TMEM132D: variants seen among roughly 807,000 people sequenced by gnomAD.
TMEM132D encodes the protein mature OL transmembrane protein.
TMEM132D carries 21 observed loss-of-function variants against 62.3 expected under a neutral mutation model. The ratio of observed to expected loss-of-function variants is 0.34; its 90% CI spans 0.24 to 0.49. The LOEUF (loss-of-function observed/expected upper bound fraction) is 0.49, where lower values mean the gene tolerates loss of function less well. Ranked by LOEUF, TMEM132D falls within the 20% of genes least tolerant of loss-of-function variation. The probability of loss-of-function intolerance (pLI) is 0.99; values close to 1 mark genes in which losing one functional copy is unlikely to be tolerated. For missense variants in TMEM132D, 1,346 were observed against 1,402.8 expected, an observed-to-expected ratio of 0.96 and a Z score of 0.65; for synonymous variants, 621 against 575.6, an observed-to-expected ratio of 1.08 and a Z score of -1.13.
chr12:129,624,890 G>GAC (rs1185687247), intron 2 of TMEM132D, among the ~76,000 whole-genome samples: 19 of 138,050 alleles, frequency 1.4e-4, no homozygotes, highest in Non-Finnish European at 2.0e-4. Flanking sequence ...GGGCAGAGTG[G>GAC]AGAAGGCATC....
At chr12:129,557,559 T>C (rs957744104) in intron 2 of TMEM132D, among the ~76,000 whole-genome samples, 1 of 145,674 alleles carries the variant, frequency 6.9e-6, no homozygotes, top group African/African-American at 2.5e-5. Context: ...TACAAAAAAA[T>C]CAGAAAATTA....
At chr12:129,426,081 T>C (rs1208079649) in intron 3 of TMEM132D, among the ~76,000 whole-genome samples, 1 of 152,180 alleles carries the variant, frequency 6.6e-6, no homozygotes, top group African/African-American at 2.4e-5. Context: ...TTGTATTAGA[T>C]GGAGATTGTG....
chr12:129,441,910 C>G (rs904538516), intron 3 of TMEM132D, among the ~76,000 whole-genome samples: 1 of 152,194 alleles, frequency 6.6e-6, no homozygotes, highest in Non-Finnish European at 1.5e-5. Flanking sequence ...AATGCATGTT[C>G]TCGCTTATGA....
chr12:129,231,661 G>A (rs1188022614), intron 4 of TMEM132D, among the ~76,000 whole-genome samples: 1 of 152,174 alleles, frequency 6.6e-6, no homozygotes, highest in Non-Finnish European at 1.5e-5. Context: ...TGTGGCTGAT[G>A]AGCTCAGCTG....
chr12:129,193,411 C>T (rs1347187199), intron 5 of TMEM132D, among the ~76,000 whole-genome samples: 2 of 152,110 alleles, frequency 1.3e-5, no homozygotes, highest in Non-Finnish European at 2.9e-5. Flanking sequence ...CACGTTAACC[C>T]TTACAGGCAG....
At chr12:129,114,617 A>G (rs894062725) in intron 5 of TMEM132D, among the ~76,000 whole-genome samples, 7 of 152,162 alleles carry the variant, frequency 4.6e-5, no homozygotes, top group African/African-American at 1.7e-4. Context: ...ATGCAGACCC[A>G]CTTCAACAAC....
chr12:129,363,089 A>G (rs7304215), intron 3 of TMEM132D, among the ~76,000 whole-genome samples: 13,080 of 152,272 alleles, frequency 0.086, 715 homozygotes, highest in African/African-American at 0.15. Flanking sequence ...TAGAGAAAAC[A>G]CATTCGGAAC....
intron 3 of TMEM132D, among the ~76,000 whole-genome samples, chr12:129,403,587 C>G (rs188363194): frequency 4.6e-5 from 7 of 151,982 alleles, no homozygotes; most frequent in South Asian, 2.1e-4. Context: ...AAGCAAGGAC[C>G]CTTCCTGAGC....
At chr12:129,731,686 G>A (rs1220006847) in intron 1 of TMEM132D, among the ~76,000 whole-genome samples, 1 of 150,508 alleles carries the variant, frequency 6.6e-6, no homozygotes, top group Admixed American at 6.6e-5. Flanking sequence ...TTTTTGAGAC[G>A]GAGTCTCGCT....
At chr12:129,800,317 A>C (rs1190245123) in intron 1 of TMEM132D, among the ~76,000 whole-genome samples, 3 of 151,182 alleles carry the variant, frequency 2.0e-5, no homozygotes. Context: ...TAGCTTAAGG[A>C]GGTGCGGGCA....
At chr12:129,524,684 T>A (rs1360112744) in intron 3 of TMEM132D, among the ~76,000 whole-genome samples, 2 of 151,882 alleles carry the variant, frequency 1.3e-5, no homozygotes, top group Non-Finnish European at 2.9e-5. Flanking sequence ...GACGCAGGTT[T>A]TAAATCTTAT....
At chr12:129,385,086 T>TC (rs550969712) in intron 3 of TMEM132D, among the ~76,000 whole-genome samples, 1,617 of 37,168 alleles carry the variant, frequency 0.044, 42 homozygotes, top group African/African-American at 0.092. Flanking sequence ...GTTAAAGTTC[T>TC]TTTTTTTTTT....
At chr12:129,750,490 T>C (rs1203600661) in intron 1 of TMEM132D, among the ~76,000 whole-genome samples, 1 of 152,230 alleles carries the variant, frequency 6.6e-6, no homozygotes, top group Non-Finnish European at 1.5e-5. Flanking sequence ...TTGACCTCTC[T>C]ATTCCATTAA....
chr12:129,276,465 C>A (rs1881010855), intron 4 of TMEM132D, among the ~76,000 whole-genome samples: 1 of 152,078 alleles, frequency 6.6e-6, no homozygotes, highest in African/African-American at 2.4e-5. Context: ...TGTTTGTGTC[C>A]CTCCCTTTGT....
chr12:129,378,608 G>T (rs79913736), intron 3 of TMEM132D, among the ~76,000 whole-genome samples: 1 of 152,136 alleles, frequency 6.6e-6, no homozygotes, highest in Non-Finnish European at 1.5e-5. Flanking sequence ...TCTCAGGTCT[G>T]TCTGCCCTGA....
intron 1 of TMEM132D, among the ~76,000 whole-genome samples, chr12:129,821,140 T>C (rs1034862215): frequency 1.3e-5 from 2 of 152,168 alleles, no homozygotes; most frequent in Middle Eastern, 3.2e-3. Flanking sequence ...GTGAAAACAT[T>C]CCATGATCAA....
chr12:129,482,731 AC>A (rs1874464198), intron 3 of TMEM132D, among the ~76,000 whole-genome samples: 1 of 152,160 alleles, frequency 6.6e-6, no homozygotes, highest in Admixed American at 6.5e-5. Context: ...ATTTGAGGGT[AC>A]TTGCAAAGTT....
At chr12:129,156,463 T>C (rs757551434) in intron 5 of TMEM132D, among the ~76,000 whole-genome samples, 3 of 152,206 alleles carry the variant, frequency 2.0e-5, no homozygotes, top group Middle Eastern at 3.4e-3. Flanking sequence ...CCATGATAAC[T>C]AGTCAATTCC....
chr12:129,848,194 T>G (rs1043633800), intron 1 of TMEM132D, among the ~76,000 whole-genome samples: 1 of 152,154 alleles, frequency 6.6e-6, no homozygotes, highest in Admixed American at 6.5e-5. Context: ...TGACATCTAT[T>G]AGGTTGGTGC....
Sources: gnomAD v4.1 joint callset for allele counts (sites outside exome capture counted in the v4.1 genomes callset) on GRCh38, gnomAD v4.1.1 for gene constraint, MANE v1.5 for transcripts, NCBI Gene and HGNC (gene_info 2026-07-23, HGNC 2026-07-21) for gene names.